The following PKNOX2 variants were observed in gnomAD, a reference collection of about 807,000 sequenced individuals.
The protein encoded by PKNOX2 is homeobox protein PKNOX2.
PKNOX2 carries 14 observed loss-of-function variants against 53.1 expected under a neutral mutation model. That is an observed-to-expected ratio of 0.26 (90% CI 0.17 to 0.41). The LOEUF (loss-of-function observed/expected upper bound fraction) is 0.41. Among genes scored for constraint, PKNOX2 ranks in the 10% least tolerant of loss-of-function variants. The pLI, the probability that PKNOX2 is intolerant of heterozygous loss-of-function variation, is 1.00. For missense variants in PKNOX2, 496 were observed against 602.8 expected (o/e 0.82, Z 1.85); for synonymous variants, 257 against 242.8 (o/e 1.06, Z -0.54).
At chr11:125,420,714 T>C (rs1956127978) in intron 10 of PKNOX2, among the ~76,000 whole-genome samples, 1 of 152,142 alleles carries the variant, frequency 6.6e-6, no homozygotes, top group South Asian at 2.1e-4. Context: ...ATTGTGAACA[T>C]AGTTTCAGGG....
intron 2 of PKNOX2, among the ~76,000 whole-genome samples, chr11:125,253,741 T>G (rs1390651627): frequency 6.6e-6 from 1 of 152,026 alleles, no homozygotes; most frequent in Non-Finnish European, 1.5e-5. Flanking sequence ...TATGAATAAA[T>G]AAATGCTATT....
At chr11:125,239,060 G>T (rs1942956527) in intron 2 of PKNOX2, among the ~76,000 whole-genome samples, 1 of 152,182 alleles carries the variant, frequency 6.6e-6, no homozygotes, top group South Asian at 2.1e-4. Flanking sequence ...ACTCACTAAG[G>T]CTCCAGCCAT....
chr11:125,238,768 A>G lies in PKNOX2; in HGVS notation c.-130+3653A>G, dbSNP rs1366072081. ...GTGAAACTTAGGTCAGGAAACTAAC[A>G]TTTAATTTGGGCACATGAAGGAAAC... On this transcript the variant is annotated intron_variant, in intron 2 of 12. Transcript: ENST00000298282. 2.0e-5 allele frequency among the ~76,000 whole-genome samples: 3 copies of G among 152,210 alleles called. No homozygotes were observed. The South Asian group carries it at 6.2e-4, about 32-fold the overall frequency.
intron 10 of PKNOX2, among the ~76,000 whole-genome samples, chr11:125,419,980 A>C (rs1956087298): frequency 6.6e-6 from 1 of 151,314 alleles, no homozygotes. Context: ...GAGTCTAAGA[A>C]TTCGAGACCA....
intron 3 of PKNOX2, among the ~76,000 whole-genome samples, chr11:125,348,710 A>G (rs1042764627): frequency 3.9e-5 from 6 of 152,194 alleles, no homozygotes; most frequent in Non-Finnish European, 8.8e-5. Context: ...CCTGCCTTCC[A>G]TTCACTGGAC....
intron 5 of PKNOX2, among the ~76,000 whole-genome samples, chr11:125,373,978 G>C (rs1183025132): frequency 6.6e-6 from 1 of 152,154 alleles, no homozygotes; most frequent in Admixed American, 6.6e-5. Context: ...GGTGGATGGG[G>C]TGGGAGGAAT....
chr11:125,215,424 AG>A (rs2135470001), intron 1 of PKNOX2, among the ~76,000 whole-genome samples: 1 of 152,154 alleles, frequency 6.6e-6, no homozygotes, highest in East Asian at 1.9e-4. Context: ...AAGGTCATTC[AG>A]CTAGAAAAGC....
chr11:125,166,604 GC>G lies in PKNOX2; in HGVS notation c.-201+1830del. Among the ~76,000 whole-genome samples, 1 of 152,254 alleles carries G rather than the reference GC, an allele frequency of 6.6e-6. No homozygotes were observed. Among genetic ancestry groups the G allele is most frequent in the South Asian group, 2.1e-4 (1 of 4,828 alleles). ...GGAGCGGTGGCCCGCAGGGGCCGCG[GC>G]CTGCGATGAAGGCCGGGGGGCAGCG... is the stretch of plus-strand genomic sequence containing the variant. On this transcript the variant is annotated intron_variant, in intron 1 of 12. Transcript: ENST00000298282. This position sits in a 1 kb window ranked among gnomAD's most constrained non-coding sequence, Gnocchi z 4.0.
intron 2 of PKNOX2, among the ~76,000 whole-genome samples, chr11:125,274,100 A>G (rs1425737721): frequency 6.6e-6 from 1 of 152,094 alleles, no homozygotes; most frequent in Non-Finnish European, 1.5e-5. Context: ...TCTGTGCCTA[A>G]AGCTGTGCTA....
chr11:125,313,242 T>C (rs112182724), intron 2 of PKNOX2, among the ~76,000 whole-genome samples: 258 of 152,208 alleles, frequency 1.7e-3, no homozygotes, highest in African/African-American at 6.0e-3. Context: ...CTGAGGAACA[T>C]GGAAGAAAGG....
intron 2 of PKNOX2, among the ~76,000 whole-genome samples, chr11:125,245,970 G>A (rs1472593779): frequency 6.6e-6 from 1 of 152,136 alleles, no homozygotes; most frequent in Non-Finnish European, 1.5e-5. Flanking sequence ...TAAGATTGGA[G>A]CGAGAAACCA....
chr11:125,428,002 C>T (rs1395474200), intron 10 of PKNOX2, among the ~76,000 whole-genome samples: 3 of 152,214 alleles, frequency 2.0e-5, no homozygotes, highest in Non-Finnish European at 4.4e-5. Context: ...TCTTCCCCAC[C>T]ACTGCATTTC....
intron 1 of PKNOX2, among the ~76,000 whole-genome samples, chr11:125,211,155 G>A (rs111922149): frequency 0.018 from 2,737 of 152,152 alleles, 85 homozygotes; most frequent in African/African-American, 0.062. Context: ...GAGAGGGTGA[G>A]GCTGGTAAGC....
At chr11:125,299,956 A>G (rs1429042979) in intron 2 of PKNOX2, among the ~76,000 whole-genome samples, 1 of 152,218 alleles carries the variant, frequency 6.6e-6, no homozygotes, top group Non-Finnish European at 1.5e-5. Context: ...GCTGTGCTTG[A>G]TAGAAGGTGA....
At chr11:125,378,167 G>A (rs1385778893) in intron 5 of PKNOX2, among the ~76,000 whole-genome samples, 1 of 152,210 alleles carries the variant, frequency 6.6e-6, no homozygotes, top group Non-Finnish European at 1.5e-5. Context: ...GGCTCAGAAC[G>A]CCAGTCCTCA....
chr11:125,291,428 C>A (rs903295683), intron 2 of PKNOX2, among the ~76,000 whole-genome samples: 2 of 152,150 alleles, frequency 1.3e-5, no homozygotes, highest in African/African-American at 4.8e-5. Context: ...CCAAGGTGCA[C>A]AGAACTCTGT....
intron 8 of PKNOX2, 89 bp from the exon 9 acceptor site, chr11:125,410,690 C>T (rs955823615): frequency 7.0e-6 from 7 of 999,338 alleles, no homozygotes; most frequent in African/African-American, 1.6e-5. Flanking sequence ...GGTCTTTACA[C>T]ATGAGTGCCA....
At chr11:125,340,016 T>C (rs537885232) in intron 3 of PKNOX2, among the ~76,000 whole-genome samples, 14 of 152,366 alleles carry the variant, frequency 9.2e-5, no homozygotes, top group Middle Eastern at 3.4e-3. Context: ...AGACCCCTAC[T>C]TCTTATCGCT....
chr11:125,287,319 C>A (rs918596385), intron 2 of PKNOX2, among the ~76,000 whole-genome samples: 2 of 152,280 alleles, frequency 1.3e-5, no homozygotes, highest in Non-Finnish European at 2.9e-5. Flanking sequence ...AAAGTAGCAA[C>A]CCTTTGGGGA....
Sources: gnomAD v4.1 joint callset for allele counts (sites outside exome capture counted in the v4.1 genomes callset) on GRCh38, gnomAD v4.1.1 for gene constraint, Gnocchi (gnomAD v3.1) non-coding constraint, MANE v1.5 for transcripts, NCBI Gene and HGNC (gene_info 2026-07-23, HGNC 2026-07-21) for gene names.